The following OXR1 variants were observed in gnomAD, a reference collection of about 807,000 sequenced individuals.
The protein encoded by OXR1 is oxidation resistance 1, also known as oxidation resistance protein 1.
OXR1 carries 41 observed loss-of-function variants against 104.6 expected under a neutral mutation model. That is an observed-to-expected ratio of 0.39 (90% confidence interval 0.31 to 0.51). OXR1 has a LOEUF of 0.51. Ranked by LOEUF, OXR1 falls within the 20% of genes least tolerant of loss-of-function variation. The probability of loss-of-function intolerance (pLI) is 0.77; values close to 1 mark genes in which losing one functional copy is unlikely to be tolerated. For missense variants in OXR1, 955 were observed against 1,031.9 expected (o/e 0.93, Z 1.02); for synonymous variants, 348 against 348.4 (o/e 1.00, Z 0.01).
intron 3 of OXR1, among the ~76,000 whole-genome samples, chr8:106,537,239 C>T (rs935816181): frequency 1.3e-5 from 2 of 152,064 alleles, no homozygotes; most frequent in African/African-American, 4.8e-5. Context: ...TTCAAAGGGA[C>T]ACAATATTCA....
At chr8:106,311,709 ACCACTG>A (rs1400724898) in intron 1 of OXR1, among the ~76,000 whole-genome samples, 2 of 152,122 alleles carry the variant, frequency 1.3e-5, no homozygotes, top group Non-Finnish European at 2.9e-5. Context: ...CCCTACCTAT[ACCACTG>A]CCTTCAAAAA....
intron 3 of OXR1, among the ~76,000 whole-genome samples, chr8:106,589,753 G>C (rs998755806): frequency 6.6e-6 from 1 of 152,038 alleles, no homozygotes; most frequent in Non-Finnish European, 1.5e-5. Flanking sequence ...TGCAACTCCC[G>C]CCTCCCAGGT....
intron 3 of OXR1, among the ~76,000 whole-genome samples, chr8:106,543,099 A>AT (rs1324286327): frequency 6.6e-6 from 1 of 152,132 alleles, no homozygotes; most frequent in Non-Finnish European, 1.5e-5. Flanking sequence ...CTGAATTTGT[A>AT]TATTGGAGGA....
intron 2 of OXR1, among the ~76,000 whole-genome samples, chr8:106,456,775 A>T (rs2130634415): frequency 6.6e-6 from 1 of 152,316 alleles, no homozygotes. Flanking sequence ...GAAATGAAAC[A>T]TTAAGTCCCA....
intron 2 of OXR1, among the ~76,000 whole-genome samples, chr8:106,460,472 C>T (rs1295412530): frequency 1.3e-5 from 2 of 152,102 alleles, no homozygotes; most frequent in Non-Finnish European, 2.9e-5. Context: ...TATTCCATTG[C>T]TTGGTACTTT....
rs184246938 is a variant in OXR1 at position 106,619,366 on chromosome 8, C to G, written c.221-59844C>G. 3.9e-5 allele frequency among the ~76,000 whole-genome samples: 6 copies of G among 152,132 alleles called. No homozygotes were observed. In the East Asian group the frequency reaches 1.2e-3, roughly 29 times the overall value. On this transcript the variant is annotated intron_variant, in intron 3 of 16. Coordinates refer to ENST00000517566, the MANE Select transcript of OXR1 (RefSeq NM_001198533.2). Reference sequence around the variant, plus strand: ...CAATTTATTTATGAAATTCTCATTGCTGAAACAAAAGTGTTTTTAATTAGA... The same window carrying G: ...CAATTTATTTATGAAATTCTCATTGGTGAAACAAAAGTGTTTTTAATTAGA...
At chr8:106,420,796 A>T (rs1465341152) in intron 2 of OXR1, among the ~76,000 whole-genome samples, 1 of 150,530 alleles carries the variant, frequency 6.6e-6, no homozygotes, top group Non-Finnish European at 1.5e-5. Context: ...CCCTAATTTA[A>T]TGCTAATAAT....
intron 2 of OXR1, among the ~76,000 whole-genome samples, chr8:106,411,541 G>A (rs1053077758): frequency 6.6e-6 from 1 of 152,194 alleles, no homozygotes; most frequent in African/African-American, 2.4e-5. Context: ...TTCTGGAAGA[G>A]AGGGTCGCTA....
intron 2 of OXR1, chr8:106,448,140 T>G: frequency 5.1e-6 from 7 of 1,366,322 alleles, no homozygotes; most frequent in Non-Finnish European, 7.0e-6. Context: ...CTCTCTGATT[T>G]CTGTGCAAGT....
chr8:106,716,989 C>T (rs1454851319), intron 11 of OXR1, among the ~76,000 whole-genome samples: 1 of 151,880 alleles, frequency 6.6e-6, no homozygotes, highest in Non-Finnish European at 1.5e-5. Context: ...AGTTTGAGAC[C>T]AGCCTGGCCA....
intron 3 of OXR1, among the ~76,000 whole-genome samples, chr8:106,658,534 G>A (rs1825410578): frequency 6.6e-6 from 1 of 152,204 alleles, no homozygotes; most frequent in Admixed American, 6.5e-5. Context: ...TGACGTCCGT[G>A]TTTTCAGTCT....
intron 3 of OXR1, among the ~76,000 whole-genome samples, chr8:106,603,914 G>A (rs1011251520): frequency 9.9e-5 from 15 of 151,998 alleles, no homozygotes; most frequent in Admixed American, 4.6e-4. Context: ...TTAGCTGGGC[G>A]TGGTGGTGCA....
At chr8:106,631,443 T>C (rs1490007841) in intron 3 of OXR1, among the ~76,000 whole-genome samples, 1 of 152,194 alleles carries the variant, frequency 6.6e-6, no homozygotes, top group East Asian at 1.9e-4. Context: ...ATGTAAAGCC[T>C]TTAGAAATAT....
At chr8:106,319,385 A>T (rs1206328085) in intron 1 of OXR1, among the ~76,000 whole-genome samples, 4 of 152,190 alleles carry the variant, frequency 2.6e-5, no homozygotes, top group Non-Finnish European at 4.4e-5. Flanking sequence ...CAGACTGATT[A>T]TTGGCCAACT....
At chr8:106,280,488 T>C (rs896631617) in intron 1 of OXR1, among the ~76,000 whole-genome samples, 3 of 152,144 alleles carry the variant, frequency 2.0e-5, no homozygotes, top group African/African-American at 7.2e-5. Context: ...CCAGTCTCCA[T>C]CTTCATCATC....
intron 1 of OXR1, among the ~76,000 whole-genome samples, chr8:106,320,602 T>C (rs1814172948): frequency 6.6e-6 from 1 of 152,112 alleles, no homozygotes; most frequent in Non-Finnish European, 1.5e-5. Context: ...TGATTAAGTA[T>C]AAAATTACCC....
At chr8:106,282,751 C>T (rs1812341621) in intron 1 of OXR1, among the ~76,000 whole-genome samples, 1 of 152,122 alleles carries the variant, frequency 6.6e-6, no homozygotes, top group Non-Finnish European at 1.5e-5. Context: ...AGGGACTTGT[C>T]TTGCTTTCTT....
intron 2 of OXR1, among the ~76,000 whole-genome samples, chr8:106,461,369 C>T (rs535614466): frequency 3.3e-5 from 5 of 152,060 alleles, no homozygotes; most frequent in African/African-American, 7.2e-5. Flanking sequence ...GTCAGGAGTT[C>T]GAGACCAGCC....
chr8:106,668,233 T>C (rs559903651), intron 3 of OXR1, among the ~76,000 whole-genome samples: 46 of 152,316 alleles, frequency 3.0e-4, no homozygotes, highest in African/African-American at 1.1e-3. Flanking sequence ...TCCTTGATTC[T>C]GGAGTTTTTG....
Sources: allele counts gnomAD v4.1 joint callset (sites outside exome capture counted in the v4.1 genomes callset), GRCh38; gene constraint gnomAD v4.1.1; transcripts MANE v1.5; gene names NCBI Gene and HGNC (gene_info 2026-07-23, HGNC 2026-07-21).